PAX2: variants seen among roughly 807,000 people sequenced by gnomAD.
PAX2 encodes the protein paired box 2.
PAX2 carries 9 observed loss-of-function variants against 41.7 expected under a neutral mutation model. That is an observed-to-expected ratio of 0.22 (90% CI 0.13 to 0.38). The LOEUF is 0.38. Among genes scored for constraint, PAX2 ranks in the 10% least tolerant of loss-of-function variants. The pLI is 1.00. For synonymous variants in PAX2, 221 were observed against 212.7 expected, an observed-to-expected ratio of 1.04 and a Z score of -0.34; for missense variants, 418 against 531.6, an observed-to-expected ratio of 0.79 and a Z score of 2.10.
At chr10:100,778,640 T>C (rs928326627) in intron 3 of PAX2, among the ~76,000 whole-genome samples, 2 of 152,212 alleles carry the variant, frequency 1.3e-5, no homozygotes, top group Non-Finnish European at 2.9e-5. Flanking sequence ...TTCCTCCGTC[T>C]TGGCCCTGGG....
At chr10:100,743,517 AAGGTTACTTT>A (rs1413031431), upstream of PAX2, among the ~76,000 whole-genome samples, 1 of 152,200 alleles carries the variant, frequency 6.6e-6, no homozygotes, top group East Asian at 1.9e-4. Context: ...ACCTGGGGCA[AAGGTTACTTT>A]AGTTCTGAGC....
intron 3 of PAX2, among the ~76,000 whole-genome samples, chr10:100,758,553 C>G (rs563509210): frequency 3.3e-5 from 5 of 152,306 alleles, no homozygotes; most frequent in African/African-American, 1.2e-4. Flanking sequence ...GATGGAGATG[C>G]GCTGTGGCTG....
At chr10:100,792,352 T>C (rs752777035) in intron 5 of PAX2, among the ~76,000 whole-genome samples, 6 of 152,088 alleles carry the variant, frequency 3.9e-5, no homozygotes, top group Non-Finnish European at 7.4e-5. Context: ...GGGGAGAAAA[T>C]GCCTGGAGAG....
At position 100,748,479 on chromosome 10, in the gene PAX2, C is replaced by T. The variant is rs1845294889; in HGVS notation, c.44-1267C>T. The T allele has an allele frequency of 3.0e-6, 3 of 985,060 alleles. No homozygotes were observed. Among genetic ancestry groups the T allele is most frequent in the South Asian group, 4.7e-5 (1 of 21,262 alleles). 61.0% of individuals were successfully genotyped at this position (985,060 alleles called of 1,614,324 possible). A position where few individuals can be genotyped will look rare whatever the true frequency, so the allele number is the denominator to read the frequency against. ...AGGGGGGCACAGATGTCCCCGCTTT[C>T]TCCGAAACTCGCGTGAGGCTAGCGG... On this transcript the variant is annotated intron_variant, in intron 1 of 9. Transcript: ENST00000355243. The surrounding 1 kb of genome is among the most constrained non-coding windows in gnomAD (Gnocchi z 5.0).
At chr10:100,752,354 G>T (rs1194227673) in intron 3 of PAX2, among the ~76,000 whole-genome samples, 1 of 152,236 alleles carries the variant, frequency 6.6e-6, no homozygotes. Flanking sequence ...GACGCTGGGT[G>T]GTTTGGGAGA....
Position 100,806,501 on chromosome 10 carries a change from G to A in PAX2, c.688G>A (p.Ala230Thr). ...GVDSLRKHLRADTFTQQQLEA... is the reference protein window; with the variant it reads ...GVDSLRKHLRTDTFTQQQLEA... Reference sequence around the variant, plus strand: ...GGACAGTTTGCGGAAGCACTTGCGAGCTGACACCTTCACCCAGCAGCAGCT... The same window carrying A: ...GGACAGTTTGCGGAAGCACTTGCGAACTGACACCTTCACCCAGCAGCAGCT... The change falls in exon 6 of 10, where the codon GCT (alanine) becomes ACT (threonine). Residue 230 changes from alanine to threonine, a missense_variant. Coordinates refer to ENST00000355243, the MANE Select transcript of PAX2 (RefSeq NM_000278.5). 6.2e-7 allele frequency: 1 copy of A among 1,614,264 alleles called. No individual in the cohort carries two copies. The highest frequency in any genetic ancestry group is 8.5e-7 in the Non-Finnish European group (1 of 1,180,044).
At chr10:100,788,707 A>G (rs979780264) in intron 5 of PAX2, among the ~76,000 whole-genome samples, 6 of 152,182 alleles carry the variant, frequency 3.9e-5, no homozygotes, top group South Asian at 2.1e-4. Flanking sequence ...TTTGCTGAGT[A>G]CACACTATTT....
chr10:100,762,179 C>T (rs955044186), intron 3 of PAX2, among the ~76,000 whole-genome samples: 16 of 149,970 alleles, frequency 1.1e-4, no homozygotes, highest in Non-Finnish European at 2.2e-4. Context: ...GACTAGGCAA[C>T]AGAGTGAGGC....
intron 5 of PAX2, among the ~76,000 whole-genome samples, chr10:100,803,306 C>T (rs1412513900): frequency 6.6e-6 from 1 of 152,040 alleles, no homozygotes; most frequent in Non-Finnish European, 1.5e-5. Context: ...CCTTCCACGC[C>T]TCTGGGCTTC....
At chr10:100,795,817 C>T (rs1181457903) in intron 5 of PAX2, among the ~76,000 whole-genome samples, 1 of 152,250 alleles carries the variant, frequency 6.6e-6, no homozygotes, top group Non-Finnish European at 1.5e-5. Flanking sequence ...TGCCTGGCCC[C>T]TCCCTGACCA....
At chr10:100,797,073 T>C (rs946988947) in intron 5 of PAX2, among the ~76,000 whole-genome samples, 3 of 152,244 alleles carry the variant, frequency 2.0e-5, no homozygotes, top group African/African-American at 7.2e-5. Flanking sequence ...ATGTTGAGCA[T>C]AACAAGTTAA....
In PAX2 at chr10:100,758,857, G is replaced by A. The variant is rs76575749; in HGVS notation, c.410+7966G>A. 7.7e-3 allele frequency among the ~76,000 whole-genome samples: 1,170 copies of A among 152,370 alleles called. 10 individuals carry two copies. The highest frequency in any genetic ancestry group is 0.012 in the Non-Finnish European group (806 of 68,040). On this transcript the variant is annotated intron_variant, in intron 3 of 9. Transcript: ENST00000355243. ...CATCCACGCAAGTGGAAGGGGATGG[G>A]ACATTTCCTGGGTCCCTTGGTCCAG...
intron 7 of PAX2, among the ~76,000 whole-genome samples, chr10:100,822,324 TG>T (rs1312015943): frequency 6.6e-6 from 1 of 152,218 alleles, no homozygotes; most frequent in Non-Finnish European, 1.5e-5. Context: ...TTGTTTAAAT[TG>T]TTTTTTAAAG....
rs1267227041 is a variant in PAX2 at position 100,745,767 on chromosome 10, A to T, written c.-494A>T. On this transcript the variant is annotated 5_prime_UTR_variant, in exon 1 of 10. Transcript: ENST00000355243. ...AGGCGCCACCTCGGACATCCCCGGG[A>T]TTGCTACTTCTCTGCCAACTTCGCC... 9.7e-7 allele frequency: 1 copy of T among 1,027,788 alleles called. No individual in the cohort carries two copies. Among genetic ancestry groups the T allele is most frequent in the African/African-American group, 1.7e-5 (1 of 58,366 alleles). 63.7% of individuals were successfully genotyped at this position (1,027,788 alleles called of 1,614,324 possible).
At chr10:100,742,723 G>T (rs1339614488), upstream of PAX2, among the ~76,000 whole-genome samples, 1 of 152,036 alleles carries the variant, frequency 6.6e-6, no homozygotes, top group Non-Finnish European at 1.5e-5. Context: ...AGAGAGAAAA[G>T]GTTCATTTAG....
At chr10:100,756,669 C>T (rs868515878) in intron 3 of PAX2, among the ~76,000 whole-genome samples, 4 of 152,312 alleles carry the variant, frequency 2.6e-5, no homozygotes, top group East Asian at 1.9e-4. Flanking sequence ...ACTTATCGAG[C>T]CATTACCCTG....
intron 5 of PAX2, among the ~76,000 whole-genome samples, chr10:100,796,073 C>A (rs1057453547): frequency 6.6e-6 from 1 of 152,124 alleles, no homozygotes; most frequent in African/African-American, 2.4e-5. Context: ...TGGTTATGGT[C>A]CCCGCTTCCA....
intron 7 of PAX2, among the ~76,000 whole-genome samples, chr10:100,814,892 C>T (rs890228427): frequency 1.3e-5 from 2 of 152,232 alleles, no homozygotes; most frequent in African/African-American, 4.8e-5. Context: ...AGAGGCTGGT[C>T]TCCCAGAAGC....
intron 5 of PAX2, among the ~76,000 whole-genome samples, chr10:100,795,910 C>G (rs1847312892): frequency 1.3e-5 from 2 of 152,258 alleles, no homozygotes; most frequent in African/African-American, 2.4e-5. Context: ...TTGAGAAGTT[C>G]TGCCTTCTCT....
Sources: allele counts gnomAD v4.1 joint callset (sites outside exome capture counted in the v4.1 genomes callset), GRCh38; gene constraint gnomAD v4.1.1; non-coding constraint Gnocchi (gnomAD v3.1); transcripts MANE v1.5; gene names NCBI Gene and HGNC (gene_info 2026-07-23, HGNC 2026-07-21).